Variants in PARD3B observed in about 807,000 individuals in gnomAD.
PARD3B encodes the protein partitioning defective 3 homolog B.
In PARD3B, 103 loss-of-function variants were observed where a neutral mutation model predicts 130.2. The ratio of observed to expected loss-of-function variants is 0.79; its 90% CI spans 0.67 to 0.93. PARD3B has a LOEUF of 0.93. Among genes scored for constraint, PARD3B ranks in the 40% least tolerant of loss-of-function variants. The probability of loss-of-function intolerance (pLI) is 0.00; values close to 1 mark genes in which losing one functional copy is unlikely to be tolerated. For synonymous variants in PARD3B, 583 were observed against 553.2 expected, an observed-to-expected ratio of 1.05 and a Z score of -0.76; for missense variants, 1,609 against 1,499.2, an observed-to-expected ratio of 1.07 and a Z score of -1.21.
At chr2:205,510,014 G>A (rs951334228) in intron 21 of PARD3B, among the ~76,000 whole-genome samples, 4 of 152,198 alleles carry the variant, frequency 2.6e-5, no homozygotes, top group Non-Finnish European at 5.9e-5. Flanking sequence ...ACACACAGAT[G>A]TCCAGAGTTT....
chr2:205,217,056 C>T (rs747930795), intron 15 of PARD3B, among the ~76,000 whole-genome samples: 6 of 152,036 alleles, frequency 3.9e-5, no homozygotes, highest in South Asian at 2.1e-4. Flanking sequence ...CAAAAGGGTA[C>T]GCCAACATTC....
intron 2 of PARD3B, among the ~76,000 whole-genome samples, chr2:204,903,649 C>T (rs184982749): frequency 7.9e-5 from 12 of 152,122 alleles, no homozygotes; most frequent in African/African-American, 2.2e-4. Flanking sequence ...CTCTTTTTAT[C>T]GATCTGGAAT....
At chr2:204,946,730 A>G (rs1689356913) in intron 2 of PARD3B, among the ~76,000 whole-genome samples, 1 of 152,188 alleles carries the variant, frequency 6.6e-6, no homozygotes, top group African/African-American at 2.4e-5. Flanking sequence ...GAGAAGACCT[A>G]AGATCTGTAG....
chr2:204,574,076 C>A (rs989628520), intron 1 of PARD3B, among the ~76,000 whole-genome samples: 1 of 152,132 alleles, frequency 6.6e-6, no homozygotes, highest in Non-Finnish European at 1.5e-5. Context: ...GGGCTTTTCC[C>A]TCGGTGGGTG....
At chr2:205,232,464 T>C (rs2038889247) in intron 15 of PARD3B, among the ~76,000 whole-genome samples, 1 of 152,102 alleles carries the variant, frequency 6.6e-6, no homozygotes. Context: ...AAAAGTGTAT[T>C]TAAAATTACA....
intron 22 of PARD3B, among the ~76,000 whole-genome samples, chr2:205,582,401 A>G (rs2054020469): frequency 6.6e-6 from 1 of 152,192 alleles, no homozygotes; most frequent in Admixed American, 6.5e-5. Flanking sequence ...ATTAAAGCAG[A>G]AAAAAATAAA....
At chr2:204,840,485 A>G (rs2044219088) in intron 2 of PARD3B, among the ~76,000 whole-genome samples, 1 of 152,086 alleles carries the variant, frequency 6.6e-6, no homozygotes, top group Admixed American at 6.6e-5. Flanking sequence ...ATACGAATAC[A>G]TGAAAATAGA....
chr2:204,925,388 C>T lies in PARD3B; in HGVS notation c.223-39764C>T, dbSNP rs562985460. On this transcript the variant is annotated intron_variant, in intron 2 of 22. Transcript: ENST00000406610. ...ATTGAGACAATGCCACCCTCCATCA[C>T]CACCAAGCATCCCACCCTCTTTGAT... 2.3e-3 allele frequency among the ~76,000 whole-genome samples: 343 copies of T among 152,170 alleles called. 2 individuals carry two copies. Among genetic ancestry groups the T allele is most frequent in the Non-Finnish European group, 3.2e-3 (218 of 67,970 alleles).
intron 2 of PARD3B, among the ~76,000 whole-genome samples, chr2:204,757,169 G>A (rs1412134100): frequency 3.3e-5 from 5 of 152,120 alleles, no homozygotes; most frequent in African/African-American, 1.2e-4. Context: ...CCGTTTATGG[G>A]CACCTGGGTT....
At position 205,105,398 on chromosome 2, in the gene PARD3B, A is replaced by G. The variant is rs1401649937; in HGVS notation, c.593+884A>G. ...AATTTGGCATAAGGAAAATAATTTC[A>G]TATTTAATAGATGGTTACTTCAGCA... On this transcript the variant is annotated intron_variant, in intron 5 of 22. Transcript: ENST00000406610. The surrounding 1 kb of genome is among the most constrained non-coding windows in gnomAD (Gnocchi z 4.0). Among the ~76,000 whole-genome samples the G allele has an allele frequency of 4.6e-5, 7 of 152,152 alleles. No individual in the cohort carries two copies. The highest frequency in any genetic ancestry group is 2.0e-4 in the Admixed American group (3 of 15,268).
chr2:205,161,231 GT>G (rs1476248376), intron 11 of PARD3B, among the ~76,000 whole-genome samples: 1 of 152,156 alleles, frequency 6.6e-6, no homozygotes. Flanking sequence ...GTTTGTGTAA[GT>G]GAGCATCTCC....
intron 15 of PARD3B, among the ~76,000 whole-genome samples, chr2:205,202,813 A>G (rs2037065108): frequency 6.6e-6 from 1 of 152,306 alleles, no homozygotes; most frequent in East Asian, 1.9e-4. Flanking sequence ...TGTTGGTAGT[A>G]TAATTAGAAA....
intron 1 of PARD3B, among the ~76,000 whole-genome samples, chr2:204,612,173 G>A (rs1559184566): frequency 6.6e-6 from 1 of 152,204 alleles, no homozygotes; most frequent in Non-Finnish European, 1.5e-5. Flanking sequence ...ACTAAATGTT[G>A]TAGACACTGG....
chr2:204,878,672 T>C lies in PARD3B; in HGVS notation c.223-86480T>C, dbSNP rs373773493. On this transcript the variant is annotated intron_variant, in intron 2 of 22. Transcript: ENST00000406610. ...CTATTTTCAGTTTTCTTGATACGTATAGATGTAAGTGTGTTTATGTGTGTC... is the reference window on the plus strand; with the variant it reads ...CTATTTTCAGTTTTCTTGATACGTACAGATGTAAGTGTGTTTATGTGTGTC... Among the ~76,000 whole-genome samples the C allele has an allele frequency of 2.0e-5, 3 of 152,184 alleles. No homozygotes were observed. The East Asian group carries it at 5.8e-4, about 29-fold the overall frequency.
chr2:205,153,804 C>T (rs555260410), intron 10 of PARD3B, among the ~76,000 whole-genome samples: 1 of 152,230 alleles, frequency 6.6e-6, no homozygotes, highest in East Asian at 1.9e-4. Flanking sequence ...GAAAGGATTC[C>T]CTATTTAATA....
At chr2:205,547,242 T>C (rs1334665455) in intron 21 of PARD3B, among the ~76,000 whole-genome samples, 2 of 152,178 alleles carry the variant, frequency 1.3e-5, no homozygotes, top group Non-Finnish European at 2.9e-5. Context: ...TCAGTGTTTA[T>C]TTATTAGAAA....
chr2:205,194,157 C>T (rs1202542177), intron 15 of PARD3B, among the ~76,000 whole-genome samples: 1 of 152,146 alleles, frequency 6.6e-6, no homozygotes, highest in Non-Finnish European at 1.5e-5. Flanking sequence ...ATTGTTTTTT[C>T]TCAAGGCATA....
chr2:204,807,240 A>C (rs184209830), intron 2 of PARD3B, among the ~76,000 whole-genome samples: 1 of 152,270 alleles, frequency 6.6e-6, no homozygotes, highest in African/African-American at 2.4e-5. Context: ...TGAGATTTGC[A>C]TGGGGACATA....
intron 18 of PARD3B, among the ~76,000 whole-genome samples, chr2:205,363,414 A>G (rs538446964): frequency 6.6e-6 from 1 of 152,318 alleles, no homozygotes; most frequent in South Asian, 2.1e-4. Flanking sequence ...TACCAAATAA[A>G]GAGAGTAAGA....
Sources: gnomAD v4.1 joint callset for allele counts (sites outside exome capture counted in the v4.1 genomes callset) on GRCh38, gnomAD v4.1.1 for gene constraint, Gnocchi (gnomAD v3.1) non-coding constraint, MANE v1.5 for transcripts, NCBI Gene and HGNC (gene_info 2026-07-23, HGNC 2026-07-21) for gene names.